Variants in BARD1 observed in about 807,000 individuals in gnomAD.
BARD1 encodes the protein BRCA1-associated RING domain protein 1.
A neutral mutation model predicts 77.0 loss-of-function variants in BARD1; 73 were observed. The ratio of observed to expected loss-of-function variants is 0.95; its 90% CI spans 0.79 to 1.15. BARD1 has a LOEUF of 1.15. Ranked by LOEUF, BARD1 falls within the 50% of genes most tolerant of loss-of-function variation. The pLI is 0.00. For synonymous variants in BARD1, 384 were observed against 338.0 expected, an observed-to-expected ratio of 1.14 and a Z score of -1.49; for missense variants, 993 against 938.8, an observed-to-expected ratio of 1.06 and a Z score of -0.75.
intron 6 of BARD1, among the ~76,000 whole-genome samples, chr2:214,752,967 T>C (rs908853758): frequency 6.6e-6 from 1 of 152,192 alleles, no homozygotes; most frequent in African/African-American, 2.4e-5. Context: ...TTTGTTCTAC[T>C]AGAAGGAAAA....
chr2:214,794,900 A>G (rs540699569), intron 2 of BARD1, among the ~76,000 whole-genome samples: 2 of 152,334 alleles, frequency 1.3e-5, no homozygotes, highest in South Asian at 4.1e-4. Flanking sequence ...TGTCATATAC[A>G]CATAATCATT....
intron 1 of BARD1, among the ~76,000 whole-genome samples, chr2:214,806,268 G>C (rs1184338402): frequency 6.6e-6 from 1 of 152,204 alleles, no homozygotes; most frequent in African/African-American, 2.4e-5. Context: ...TCAGCTGCAA[G>C]CTGAATGTGA....
chr2:214,761,277 GA>G (rs1693951414), intron 6 of BARD1, among the ~76,000 whole-genome samples: 1 of 129,138 alleles, frequency 7.7e-6, no homozygotes, highest in Admixed American at 7.7e-5. Context: ...CAGAGAAGAG[GA>G]AAGGTAAAAA....
chr2:214,758,692 G>A (rs1303123493), intron 6 of BARD1, among the ~76,000 whole-genome samples: 1 of 152,170 alleles, frequency 6.6e-6, no homozygotes, highest in Non-Finnish European at 1.5e-5. Flanking sequence ...TGAGGAAAAG[G>A]AAGTACTTAT....
chr2:214,809,268 C>G (rs1157934474), intron 1 of BARD1, 144 bp downstream of exon 1: 1 of 1,134,778 alleles, frequency 8.8e-7, no homozygotes, highest in Non-Finnish European at 1.2e-6. Context: ...AATACTATAT[C>G]CCCCGGCAGG....
At chr2:214,760,917 GGC>G (rs1190291781) in intron 6 of BARD1, among the ~76,000 whole-genome samples, 1 of 151,396 alleles carries the variant, frequency 6.6e-6, no homozygotes, top group Non-Finnish European at 1.5e-5. Flanking sequence ...TGGGACTACA[GGC>G]GCCCACCACC....
chr2:214,753,449 T>A (rs1015983951), intron 6 of BARD1, among the ~76,000 whole-genome samples: 3 of 152,162 alleles, frequency 2.0e-5, no homozygotes, highest in Non-Finnish European at 2.9e-5. Flanking sequence ...ATGTTTTTTT[T>A]AAAGATTATG....
chr2:214,742,694 C>T (rs540124914), intron 9 of BARD1, among the ~76,000 whole-genome samples: 1 of 152,332 alleles, frequency 6.6e-6, no homozygotes, highest in African/African-American at 2.4e-5. Flanking sequence ...ACAAAACCCA[C>T]ATTTCCCAAA....
At chr2:214,744,951 G>T in intron 9 of BARD1, 116 bp downstream of exon 9, 1 of 974,296 alleles carries the variant, frequency 1.0e-6, no homozygotes, top group Non-Finnish European at 1.6e-6. Flanking sequence ...CCAAAATGCA[G>T]TGACTAACCA....
chr2:214,726,888 T>C lies in BARD1; in HGVS notation c.*1788A>G, dbSNP rs762378105. ...GAATGACAAAAACTAAGAGACCTCA[T>C]AGGTGTCTTTACAATCAGGAATTCA... is the stretch of plus-strand genomic sequence containing the variant. On this transcript the variant is annotated 3_prime_UTR_variant, in exon 11 of 11. Transcript: ENST00000260947. 2.2e-5 allele frequency: 5 copies of C among 228,502 alleles called. No individual in the cohort carries two copies. The highest frequency in any genetic ancestry group is 4.3e-5 in the Non-Finnish European group (5 of 115,184). 14.2% of individuals were successfully genotyped at this position (228,502 alleles called of 1,614,324 possible).
intron 7 of BARD1, among the ~76,000 whole-genome samples, chr2:214,747,779 C>T (rs923726643): frequency 1.3e-5 from 2 of 150,520 alleles, no homozygotes; most frequent in Non-Finnish European, 3.0e-5. Flanking sequence ...ATGGGTGCAG[C>T]ACACCAACAT....
chr2:214,742,577 T>C (rs1355272649), intron 9 of BARD1, among the ~76,000 whole-genome samples: 1 of 152,142 alleles, frequency 6.6e-6, no homozygotes, highest in Non-Finnish European at 1.5e-5. Flanking sequence ...CCATTGATAT[T>C]AGAGGATGTT....
At position 214,766,583 on chromosome 2, in the gene BARD1, C is replaced by T. The variant is rs187872888; in HGVS notation, c.1568+899G>A. 5.0e-3 allele frequency among the ~76,000 whole-genome samples: 759 copies of T among 151,712 alleles called. 3 individuals carry two copies. The highest frequency in any genetic ancestry group is 9.1e-3 in the Non-Finnish European group (615 of 67,924). On this transcript the variant is annotated intron_variant, in intron 6 of 10. Coordinates refer to ENST00000260947, the MANE Select transcript of BARD1 (RefSeq NM_000465.4). ...CCCCCAAATATGTCAGCACAGTTAT[C>T]CCCATTGCTATCCATGGGGAATTGG...
At chr2:214,800,668 T>C (rs558955229) in intron 1 of BARD1, among the ~76,000 whole-genome samples, 2 of 152,302 alleles carry the variant, frequency 1.3e-5, no homozygotes, top group Admixed American at 6.5e-5. Flanking sequence ...CAACACTAGA[T>C]ACTTGCAAAA....
chr2:214,797,684 AC>A (rs984889594), intron 1 of BARD1, among the ~76,000 whole-genome samples: 4 of 152,206 alleles, frequency 2.6e-5, no homozygotes, highest in Admixed American at 1.3e-4. Flanking sequence ...ATTAAAAAAA[AC>A]ATGTGTTTCT....
chr2:214,806,962 A>G (rs542032629), intron 1 of BARD1, among the ~76,000 whole-genome samples: 1 of 152,188 alleles, frequency 6.6e-6, no homozygotes, highest in South Asian at 2.1e-4. Context: ...GTTTATCAAG[A>G]CTTTATCGAC....
At chr2:214,751,566 A>C (rs1046336696) in intron 7 of BARD1, among the ~76,000 whole-genome samples, 3 of 152,046 alleles carry the variant, frequency 2.0e-5, no homozygotes, top group Middle Eastern at 3.2e-3. Flanking sequence ...TGTACAGTAA[A>C]AGTTTTTATA....
chr2:214,782,069 C>G (rs1184347051), intron 3 of BARD1, among the ~76,000 whole-genome samples: 3 of 152,006 alleles, frequency 2.0e-5, no homozygotes, highest in African/African-American at 4.8e-5. Context: ...ACTGAAGAAC[C>G]AAGTTGGAGG....
intron 4 of BARD1, among the ~76,000 whole-genome samples, chr2:214,777,403 C>A (rs1694781513): frequency 6.6e-6 from 1 of 152,144 alleles, no homozygotes; most frequent in South Asian, 2.1e-4. Context: ...GGGAAGGTAA[C>A]TAGTGCAGGA....
Sources: allele counts gnomAD v4.1 joint callset (sites outside exome capture counted in the v4.1 genomes callset), GRCh38; gene constraint gnomAD v4.1.1; transcripts MANE v1.5; gene names NCBI Gene and HGNC (gene_info 2026-07-23, HGNC 2026-07-21).